Variants in CNGB3 observed in about 807,000 individuals in gnomAD.
The protein encoded by CNGB3 is cyclic nucleotide-gated channel beta-3.
A neutral mutation model predicts 92.8 loss-of-function variants in CNGB3; 86 were observed. The observed-to-expected ratio is 0.93, with a 90% CI of 0.78 to 1.11. The LOEUF (loss-of-function observed/expected upper bound fraction) is 1.11. CNGB3 is among the 50% of genes least tolerant of loss of function. The pLI is 0.00. For synonymous variants in CNGB3, 333 were observed against 332.7 expected (o/e 1.00, Z -0.01); for missense variants, 1,026 against 956.8 (o/e 1.07, Z -0.95).
intron 15 of CNGB3, among the ~76,000 whole-genome samples, chr8:86,596,913 A>C (rs987930651): frequency 1.3e-5 from 2 of 152,150 alleles, no homozygotes; most frequent in African/African-American, 4.8e-5. Context: ...ATTCTCAGCA[A>C]ACTATCACAA....
chr8:86,625,406 T>A (rs1563731165), intron 13 of CNGB3, among the ~76,000 whole-genome samples: 1 of 152,088 alleles, frequency 6.6e-6, no homozygotes, highest in Non-Finnish European at 1.5e-5. Flanking sequence ...CAGAAGGAAA[T>A]ATTAGGTGAG....
intron 3 of CNGB3, among the ~76,000 whole-genome samples, chr8:86,718,612 CTATT>C (rs1824908918): frequency 6.6e-6 from 1 of 152,126 alleles, no homozygotes. Context: ...GGTACCAATC[CTATT>C]GACACTATTC....
At chr8:86,603,980 C>T (rs769188815) in intron 15 of CNGB3, 113 bp downstream of exon 15, 36 of 759,000 alleles carry the variant, frequency 4.7e-5, no homozygotes, top group Non-Finnish European at 8.1e-5. Flanking sequence ...TACGAATGCT[C>T]TCAGCACAAT....
chr8:86,738,487 A>G (rs1487456016), intron 2 of CNGB3, among the ~76,000 whole-genome samples: 1 of 152,200 alleles, frequency 6.6e-6, no homozygotes, highest in African/African-American at 2.4e-5. Context: ...GCCTGGGGGT[A>G]GTGCAGACAT....
intron 15 of CNGB3, among the ~76,000 whole-genome samples, chr8:86,597,539 C>A (rs1822199274): frequency 6.6e-6 from 1 of 152,110 alleles, no homozygotes. Flanking sequence ...AGTGGGGAAT[C>A]CAGGAAGGCC....
At chr8:86,598,842 CCTTAA>C (rs1391831441) in intron 15 of CNGB3, among the ~76,000 whole-genome samples, 3 of 152,016 alleles carry the variant, frequency 2.0e-5, no homozygotes, top group Non-Finnish European at 2.9e-5. Flanking sequence ...ATCTTGAGAT[CCTTAA>C]CTTAATTACA....
At chr8:86,624,903 C>G (rs1822815821) in intron 13 of CNGB3, among the ~76,000 whole-genome samples, 2 of 152,174 alleles carry the variant, frequency 1.3e-5, no homozygotes, top group African/African-American at 4.8e-5. Context: ...CCCTTTGGTA[C>G]TGTCCTCATG....
chr8:86,647,361 A>AT (rs909924996), intron 8 of CNGB3, among the ~76,000 whole-genome samples: 12 of 149,976 alleles, frequency 8.0e-5, no homozygotes, highest in Admixed American at 5.3e-4. Flanking sequence ...GTATGTTTAC[A>AT]TTTTTTTTTA....
At chr8:86,584,011 C>A (rs1224698673) in intron 15 of CNGB3, among the ~76,000 whole-genome samples, 1 of 149,108 alleles carries the variant, frequency 6.7e-6, no homozygotes, top group Non-Finnish European at 1.5e-5. Context: ...AATGATTTCA[C>A]ATTTCAAATT....
rs547869930 is a variant in CNGB3, at chr8:86,644,518, T to G, written c.1055+104A>C. 8.7e-5 allele frequency: 126 copies of G among 1,454,094 alleles called. No individual in the cohort carries two copies. In the African/African-American group the frequency reaches 1.5e-3, roughly 17 times the overall value. 90.1% of individuals were successfully genotyped at this position (1,454,094 alleles called of 1,614,324 possible). The stretch of plus-strand genomic sequence containing the variant: ...TTTTATATAGCCAAAGCTGAAATTA[T>G]ATCCTTTTTTTGAAGAGGGGGGTCA... On this transcript the variant is annotated intron_variant, in intron 9 of 17. Coordinates refer to ENST00000320005, the MANE Select transcript of CNGB3 (RefSeq NM_019098.5).
At position 86,686,247 on chromosome 8, in the gene CNGB3, T is replaced by A. The variant is rs545797321; in HGVS notation, c.339-15149A>T. Reference sequence around the variant, plus strand: ...TGAATATTCAATTCAAATAGCCTAGTTTCTGAAGGGCATAACAGCACATAG... The same window carrying A: ...TGAATATTCAATTCAAATAGCCTAGATTCTGAAGGGCATAACAGCACATAG... On this transcript the variant is annotated intron_variant, in intron 3 of 17. Coordinates refer to ENST00000320005, the MANE Select transcript of CNGB3 (RefSeq NM_019098.5). Among the ~76,000 whole-genome samples, 16 of 152,242 alleles carry A rather than the reference T, an allele frequency of 1.1e-4. No individual in the cohort carries two copies. The South Asian group carries it at 3.3e-3, about 32-fold the overall frequency.
chr8:86,604,439 G>A lies in CNGB3; in HGVS notation c.1663-228C>T, dbSNP rs137971186. On this transcript the variant is annotated intron_variant, in intron 14 of 17. Coordinates refer to ENST00000320005, the MANE Select transcript of CNGB3 (RefSeq NM_019098.5). ...TGATACTTCTCAACACGTGAGTACT[G>A]TTTGCCTCCCTTGGATACATGAAGA... 3.5e-4 allele frequency among the ~76,000 whole-genome samples: 54 copies of A among 152,278 alleles called. No homozygotes were observed. The East Asian group carries it at 8.5e-3, about 24-fold the overall frequency.
At chr8:86,577,303 A>G (rs1821679620) in intron 17 of CNGB3, among the ~76,000 whole-genome samples, 1 of 152,196 alleles carries the variant, frequency 6.6e-6, no homozygotes, top group Non-Finnish European at 1.5e-5. Flanking sequence ...TTCTTCATCT[A>G]TAACATGAAA....
At chr8:86,698,397 C>T (rs1019068755) in intron 3 of CNGB3, among the ~76,000 whole-genome samples, 2 of 152,176 alleles carry the variant, frequency 1.3e-5, no homozygotes, top group African/African-American at 4.8e-5. Context: ...GAATAAAAAG[C>T]ACATTTCAAC....
intron 15 of CNGB3, among the ~76,000 whole-genome samples, chr8:86,599,589 C>T (rs1275576335): frequency 6.6e-6 from 1 of 151,812 alleles, no homozygotes; most frequent in Non-Finnish European, 1.5e-5. Context: ...GAGAATGTGT[C>T]CCTGAGGGTA....
intron 4 of CNGB3, among the ~76,000 whole-genome samples, chr8:86,668,482 T>TA (rs1473350764): frequency 1.3e-5 from 2 of 152,024 alleles, no homozygotes; most frequent in South Asian, 2.1e-4. Context: ...ACTTAAAGTA[T>TA]AAAAAAATCC....
At position 86,587,319 on chromosome 8, in the gene CNGB3, C is replaced by T. The variant is rs1208962522; in HGVS notation, c.1782-8067G>A. Among the ~76,000 whole-genome samples, 1,048 of 151,930 alleles carry T rather than the reference C, an allele frequency of 6.9e-3. 12 individuals carry two copies. Among genetic ancestry groups the T allele is most frequent in the African/African-American group, 0.023 (958 of 41,350 alleles). On this transcript the variant is annotated intron_variant, in intron 15 of 17. Transcript: ENST00000320005. Reference sequence around the variant, plus strand: ...TGACTCTGATGGTAGTTTCTTTTGCCGTGCAGAAGCTCTTTAGTTTAATTA... The same window carrying T: ...TGACTCTGATGGTAGTTTCTTTTGCTGTGCAGAAGCTCTTTAGTTTAATTA...
Position 86,661,146 on chromosome 8 carries a change from T to G in CNGB3, c.852+5779A>C, listed in dbSNP as rs533180158. On this transcript the variant is annotated intron_variant, in intron 6 of 17. Coordinates refer to ENST00000320005, the MANE Select transcript of CNGB3 (RefSeq NM_019098.5). ...GTTAATATATAACAGATTCATACTTTAGGACGACAACCCAGTTGACAACCA... is the reference window on the plus strand; with the variant it reads ...GTTAATATATAACAGATTCATACTTGAGGACGACAACCCAGTTGACAACCA... The G allele has an allele frequency of 3.1e-5, 7 of 225,634 alleles. No homozygotes were observed. In the East Asian group the frequency reaches 7.4e-4, roughly 24 times the overall value. The allele number at this position is 225,634 out of a possible 1,614,324, so 14.0% of individuals were successfully genotyped here.
intron 7 of CNGB3, among the ~76,000 whole-genome samples, chr8:86,653,330 TA>T (rs538456991): frequency 1.0e-4 from 15 of 147,448 alleles, no homozygotes; most frequent in East Asian, 7.9e-4. Context: ...AGTCGGAGAT[TA>T]AAAAAAAAAC....
Sources: gnomAD v4.1 joint callset for allele counts (sites outside exome capture counted in the v4.1 genomes callset) on GRCh38, gnomAD v4.1.1 for gene constraint, MANE v1.5 for transcripts, NCBI Gene and HGNC (gene_info 2026-07-23, HGNC 2026-07-21) for gene names.